MDFIC: variants seen among roughly 807,000 people sequenced by gnomAD.
MDFIC encodes myoD family inhibitor domain-containing protein.
Under a neutral mutation model 23.2 loss-of-function variants are expected in MDFIC, and 17 were observed. The observed-to-expected ratio is 0.73, with a 90% CI of 0.50 to 1.10. The LOEUF (loss-of-function observed/expected upper bound fraction) is 1.10. Ranked by LOEUF, MDFIC falls within the 50% of genes least tolerant of loss-of-function variation. The pLI, the probability that MDFIC is intolerant of heterozygous loss-of-function variation, is 0.00. For missense variants in MDFIC, 356 were observed against 316.6 expected, an observed-to-expected ratio of 1.12 and a Z score of -0.95; for synonymous variants, 120 against 115.2, an observed-to-expected ratio of 1.04 and a Z score of -0.27.
chr7:114,979,479 GCTGA>G (rs1563147784), intron 3 of MDFIC, 23 bp from the exon 4 acceptor site: 5 of 1,556,094 alleles, frequency 3.2e-6, no homozygotes, highest in East Asian at 2.3e-5. Flanking sequence ...TCTTTAACTG[GCTGA>G]CTTTTTCCTG....
chr7:114,988,858 A>G (rs1793556499), intron 4 of MDFIC, among the ~76,000 whole-genome samples: 2 of 152,232 alleles, frequency 1.3e-5, no homozygotes, highest in South Asian at 2.1e-4. Context: ...GAGACACTTC[A>G]CTATAAATCT....
chr7:114,991,503 A>T (rs1274246555), intron 4 of MDFIC, among the ~76,000 whole-genome samples: 3 of 152,096 alleles, frequency 2.0e-5, no homozygotes, highest in Non-Finnish European at 2.9e-5. Flanking sequence ...TGAGTCTTTG[A>T]TCCATCTTGA....
chr7:114,942,283 G>T lies in MDFIC; in HGVS notation c.103G>T (p.Asp35Tyr). 1 of 1,514,438 alleles carries T rather than the reference G, an allele frequency of 6.6e-7. No individual in the cohort carries two copies. The highest frequency in any genetic ancestry group is 1.3e-5 in the South Asian group (1 of 79,304). The allele number at this position is 1,514,438 out of a possible 1,614,324, so 93.8% of individuals were successfully genotyped here. A position where few individuals can be genotyped will look rare whatever the true frequency, so the allele number is the denominator to read the frequency against. The change falls in exon 3 of 5, where the codon GAT becomes TAT. Residue 35 changes from aspartate to tyrosine, a missense_variant. Asp to Tyr is a radical substitution (Grantham distance 160). Transcript: ENST00000393486. ...TATCTTTTTTAATTCAGGAAAATGT[G>T]ATAAAGACAATACTGAGAAAGATAT... ...QLGSTAQGKC[D>Y]KDNTEKDITQ...
chr7:114,963,399 C>T (rs557541320), intron 3 of MDFIC, among the ~76,000 whole-genome samples: 2 of 152,166 alleles, frequency 1.3e-5, no homozygotes, highest in African/African-American at 4.8e-5. Context: ...CAGGGCTTTG[C>T]AGGTGTTGTT....
intron 4 of MDFIC, among the ~76,000 whole-genome samples, chr7:114,984,041 T>C (rs1793465890): frequency 6.6e-6 from 1 of 152,110 alleles, no homozygotes; most frequent in Admixed American, 6.5e-5. Flanking sequence ...AAATTGAGAC[T>C]CAAACTCAGA....
At chr7:115,005,405 A>G (rs1355396592) in intron 4 of MDFIC, among the ~76,000 whole-genome samples, 1 of 152,178 alleles carries the variant, frequency 6.6e-6, no homozygotes, top group East Asian at 1.9e-4. Context: ...AAACCAAACA[A>G]ACAGCTGTAA....
chr7:114,930,935 C>T (rs1355242603), intron 2 of MDFIC, among the ~76,000 whole-genome samples: 1 of 152,126 alleles, frequency 6.6e-6, no homozygotes, highest in African/African-American at 2.4e-5. Context: ...AGATTTTGGA[C>T]AATTTAACTT....
At position 115,017,030 on chromosome 7, in the gene MDFIC, G is replaced by A. The variant is rs1169658239; in HGVS notation, c.*1095G>A. On this transcript the variant is annotated 3_prime_UTR_variant, in exon 5 of 5. Transcript: ENST00000393486. ...GTTTCAGGGAGAATGTGGCATTTGAGGACTCTCTTAGAATGAGTGATTCAC... is the reference window on the plus strand; with the variant it reads ...GTTTCAGGGAGAATGTGGCATTTGAAGACTCTCTTAGAATGAGTGATTCAC... The A allele has an allele frequency of 6.6e-6, 1 of 152,112 alleles. No individual in the cohort carries two copies. The highest frequency in any genetic ancestry group is 1.5e-5 in the Non-Finnish European group (1 of 68,028). 9.4% of individuals were successfully genotyped at this position (152,112 alleles called of 1,614,324 possible).
chr7:114,942,544 A>G (rs975996011), intron 3 of MDFIC, 147 bp downstream of exon 3: 2 of 573,458 alleles, frequency 3.5e-6, no homozygotes, highest in African/African-American at 3.9e-5. Context: ...TTTAAATTAC[A>G]GAGCTAAAGC....
intron 2 of MDFIC, chr7:114,923,801 A>G (rs1585088767): frequency 2.1e-6 from 1 of 473,366 alleles, no homozygotes; most frequent in East Asian, 5.0e-5. Context: ...AATATACTTT[A>G]GGTTTCCATT....
intron 3 of MDFIC, among the ~76,000 whole-genome samples, chr7:114,954,301 C>T (rs1007733785): frequency 8.5e-5 from 13 of 152,148 alleles, no homozygotes; most frequent in Non-Finnish European, 1.8e-4. Flanking sequence ...ATATCTTATC[C>T]GCTTCTTGTC....
chr7:114,955,492 AG>A (rs1357308399), intron 3 of MDFIC, among the ~76,000 whole-genome samples: 2 of 152,300 alleles, frequency 1.3e-5, no homozygotes, highest in African/African-American at 4.8e-5. Flanking sequence ...ATTGTAATAC[AG>A]GTGTTTATGA....
Position 114,983,467 on chromosome 7 carries a change from A to G in MDFIC, c.493+3686A>G, listed in dbSNP as rs532469481. Among the ~76,000 whole-genome samples, 7 of 152,190 alleles carry G rather than the reference A, an allele frequency of 4.6e-5. No homozygotes were observed. In the East Asian group the frequency reaches 7.7e-4, roughly 17 times the overall value. ...TACAGAGGTAGGGTTTGAACCAGCC[A>G]TAATTGAGTCTGTGGGTTGGCAAGA... On this transcript the variant is annotated intron_variant, in intron 4 of 4. Transcript: ENST00000393486.
In MDFIC at chr7:114,936,597, A is replaced by G. The variant is rs149045919; in HGVS notation, c.95-5678A>G. On this transcript the variant is annotated intron_variant, in intron 2 of 4. Transcript: ENST00000393486. ...AACTTGTTAATGCACCAACCTGACCAAGAATAAAAGTTGTTCCCTTGTGAA... is the reference window on the plus strand; with the variant it reads ...AACTTGTTAATGCACCAACCTGACCGAGAATAAAAGTTGTTCCCTTGTGAA... 3.2e-4 allele frequency among the ~76,000 whole-genome samples: 48 copies of G among 152,330 alleles called. 1 individual carries two copies. The East Asian group carries it at 8.9e-3, about 28-fold the overall frequency.
At chr7:114,997,869 A>G (rs1466543060) in intron 4 of MDFIC, among the ~76,000 whole-genome samples, 2 of 152,144 alleles carry the variant, frequency 1.3e-5, no homozygotes, top group Non-Finnish European at 2.9e-5. Flanking sequence ...GCAGAGCACT[A>G]TTTTTTACAG....
intron 4 of MDFIC, among the ~76,000 whole-genome samples, chr7:114,986,174 A>G (rs1793509905): frequency 6.6e-6 from 1 of 152,036 alleles, no homozygotes. Flanking sequence ...CCCAGTTTAT[A>G]TTGTACAGGC....
chr7:114,995,897 TC>T (rs1261524440), intron 4 of MDFIC, among the ~76,000 whole-genome samples: 2 of 152,172 alleles, frequency 1.3e-5, no homozygotes, highest in Admixed American at 1.3e-4. Flanking sequence ...TCACCTGTCT[TC>T]TGCGTCACTC....
At chr7:115,007,110 T>G (rs1001334842) in intron 4 of MDFIC, among the ~76,000 whole-genome samples, 5 of 152,202 alleles carry the variant, frequency 3.3e-5, no homozygotes, top group African/African-American at 1.2e-4. Context: ...GGTTCATTCT[T>G]TCAAGTGTTT....
chr7:114,925,340 C>T (rs903417565), intron 2 of MDFIC, among the ~76,000 whole-genome samples: 3 of 152,132 alleles, frequency 2.0e-5, no homozygotes, highest in Non-Finnish European at 4.4e-5. Context: ...AACTCCACAT[C>T]AAGTCTAAAA....
Sources: gnomAD v4.1 joint callset for allele counts (sites outside exome capture counted in the v4.1 genomes callset) on GRCh38, gnomAD v4.1.1 for gene constraint, MANE v1.5 for transcripts, NCBI Gene and HGNC (gene_info 2026-07-23, HGNC 2026-07-21) for gene names.